Variants in SYCP1 observed in about 807,000 individuals in gnomAD.
SYCP1 encodes the protein synaptonemal complex protein 1, also known as cancer/testis antigen 8.
Under a neutral mutation model 153.1 loss-of-function variants are expected in SYCP1, and 64 were observed. The observed-to-expected ratio is 0.42, with a 90% CI of 0.34 to 0.51. The LOEUF (loss-of-function observed/expected upper bound fraction) is 0.51, where lower values mean the gene tolerates loss of function less well. Among genes scored for constraint, SYCP1 ranks in the 20% least tolerant of loss-of-function variants. The probability of loss-of-function intolerance (pLI) is 0.06; values close to 1 mark genes in which losing one functional copy is unlikely to be tolerated. For synonymous variants in SYCP1, 384 were observed against 341.8 expected, an observed-to-expected ratio of 1.12 and a Z score of -1.36; for missense variants, 997 against 1,049.0, an observed-to-expected ratio of 0.95 and a Z score of 0.68.
At position 114,946,372 on chromosome 1, in the gene SYCP1, A is replaced by T; in HGVS notation, c.2238A>T (p.Arg746Ser). The change falls in exon 26 of 32, where the codon AGA becomes AGT. Residue 746 changes from arginine (R) to serine (S), a missense_variant. Arg to Ser is a moderately radical substitution (Grantham distance 110, BLOSUM62 -1). Around this residue, in one of 2 missense-constraint regions of SYCP1, gnomAD observed 712 missense variants for 682.9 expected, o/e 1.04. Coordinates refer to ENST00000369522, the MANE Select transcript of SYCP1 (RefSeq NM_003176.4). ...KSKEQEQSSL[R>S]ASLEIELSNL... ...AAGAACAAGAACAGTCATCACTGAG[A>T]GCATCTTTGGTGAGATACAGAAAAA... The T allele has an allele frequency of 6.3e-7, 1 of 1,584,680 alleles. No homozygotes were observed. The highest frequency in any genetic ancestry group is 8.6e-7 in the Non-Finnish European group (1 of 1,168,308).
Position 114,914,033 on chromosome 1 carries a change from A to G in SYCP1, c.1706A>G (p.Glu569Gly). The G allele has an allele frequency of 6.4e-7, 1 of 1,572,092 alleles. No individual in the cohort carries two copies. Among genetic ancestry groups the G allele is most frequent in the Non-Finnish European group, 8.6e-7 (1 of 1,161,798 alleles). ...CAAATAGAAAATCTTCAAGAAACAG[A>G]AACCCAATTAAGGCAAGACTAACAA... ...LKQIENLQET[E>G]TQLRNELEYV... Residue 569 changes from glutamate to glycine, a missense_variant, in exon 20 of 32, where the codon GAA (glutamate) becomes GGA (glycine). Physicochemically the swap from Glu to Gly is moderately conservative, Grantham distance 98. Around this residue, in one of 2 missense-constraint regions of SYCP1, gnomAD observed 712 missense variants for 682.9 expected, o/e 1.04. Transcript: ENST00000369522.
At chr1:114,872,959 T>C (rs865951374) in intron 8 of SYCP1, among the ~76,000 whole-genome samples, 6 of 152,166 alleles carry the variant, frequency 3.9e-5, no homozygotes, top group South Asian at 2.1e-4. Context: ...CCACAAGCCC[T>C]TCATTTCTGT....
intron 12 of SYCP1, among the ~76,000 whole-genome samples, chr1:114,878,822 C>T (rs914515487): frequency 1.3e-5 from 2 of 152,158 alleles, no homozygotes; most frequent in African/African-American, 4.8e-5. Flanking sequence ...GGATTACGGG[C>T]GTGAGCCACT....
chr1:114,900,847 C>T (rs1426264097), intron 16 of SYCP1, among the ~76,000 whole-genome samples: 1 of 152,208 alleles, frequency 6.6e-6, no homozygotes, highest in African/African-American at 2.4e-5. Flanking sequence ...CAGTTTATAA[C>T]CTTAAAACAC....
Position 114,994,973 on chromosome 1 carries a change from T to C in SYCP1, c.2885T>C (p.Met962Thr), listed in dbSNP as rs1263099528. ...GACCGTTGGGCTGTAATTGCTAAAA[T>C]GGATAGAAAAAAAAAACTAAAAGAA... is the stretch of plus-strand genomic sequence containing the variant. Reference protein sequence around the residue: ...REDRWAVIAKMDRKKKLKEAE... With the variant: ...REDRWAVIAKTDRKKKLKEAE... The change falls in exon 32 of 32, where the codon ATG becomes ACG. Residue 962 changes from methionine (M) to threonine (T), a missense_variant. Met to Thr is a moderately conservative substitution (Grantham distance 81, BLOSUM62 -1). Coordinates refer to ENST00000369522, the MANE Select transcript of SYCP1 (RefSeq NM_003176.4). 5.6e-6 allele frequency: 9 copies of C among 1,605,672 alleles called. No individual in the cohort carries two copies. The highest frequency in any genetic ancestry group is 6.8e-6 in the Non-Finnish European group (8 of 1,175,958).
chr1:114,960,104 C>A lies in SYCP1; in HGVS notation c.2322+12784C>A, dbSNP rs564493040. Among the ~76,000 whole-genome samples the A allele has an allele frequency of 9.3e-5, 14 of 149,840 alleles. No homozygotes were observed. The East Asian group carries it at 2.7e-3, about 29-fold the overall frequency. On this transcript the variant is annotated intron_variant, in intron 27 of 31. Transcript: ENST00000369522. ...GATTTCTTTTCTTTTGGGTATATAC[C>A]TAGCAGTGGGATGGCTGGATCATAC...
intron 10 of SYCP1, 145 bp from the exon 11 acceptor site, chr1:114,876,592 G>A: frequency 2.9e-6 from 1 of 343,050 alleles, no homozygotes; most frequent in South Asian, 1.2e-4. Context: ...GAAGAAAACA[G>A]CAATATTAGC....
chr1:114,923,677 T>A, intron 21 of SYCP1, 147 bp downstream of exon 21: 1 of 753,780 alleles, frequency 1.3e-6, no homozygotes, highest in Non-Finnish European at 1.9e-6. Context: ...CTTAAATATC[T>A]AGGAAAGGTT....
At chr1:114,984,540 T>C (rs529180620) in intron 29 of SYCP1, among the ~76,000 whole-genome samples, 185 bp from the exon 30 acceptor site, 1 of 152,056 alleles carries the variant, frequency 6.6e-6, no homozygotes, top group South Asian at 2.1e-4. Flanking sequence ...GAAAGACAAC[T>C]TATAGTATCA....
chr1:114,891,625 A>G (rs921335837), intron 15 of SYCP1, among the ~76,000 whole-genome samples: 1 of 152,174 alleles, frequency 6.6e-6, no homozygotes, highest in African/African-American at 2.4e-5. Flanking sequence ...CCCATCTTCA[A>G]TTCAGTCTAA....
At chr1:114,903,551 G>GTC (rs1667612208) in intron 16 of SYCP1, among the ~76,000 whole-genome samples, 2 of 152,202 alleles carry the variant, frequency 1.3e-5, no homozygotes, top group Admixed American at 1.3e-4. Context: ...CTGCTGGAGA[G>GTC]TTAGATAGGA....
intron 27 of SYCP1, among the ~76,000 whole-genome samples, chr1:114,972,530 G>A (rs1672561635): frequency 1.3e-5 from 2 of 152,116 alleles, no homozygotes. Context: ...CCTTTTTGAT[G>A]TAGGTGTTTA....
At chr1:114,884,572 T>C (rs2101538103) in intron 12 of SYCP1, among the ~76,000 whole-genome samples, 1 of 152,326 alleles carries the variant, frequency 6.6e-6, no homozygotes, top group Admixed American at 6.5e-5. Context: ...ACCAATATAT[T>C]GTAAATTATC....
At chr1:114,932,868 T>G (rs1305684808) in intron 23 of SYCP1, among the ~76,000 whole-genome samples, 8 of 152,160 alleles carry the variant, frequency 5.3e-5, no homozygotes, top group African/African-American at 1.9e-4. Context: ...GCATCTGCCA[T>G]TGTTGAGGCT....
chr1:114,925,043 A>G (rs1669165798), intron 21 of SYCP1, among the ~76,000 whole-genome samples: 1 of 152,114 alleles, frequency 6.6e-6, no homozygotes, highest in African/African-American at 2.4e-5. Context: ...ATAAATTGGG[A>G]AATCAGACCT....
At chr1:114,905,713 T>A (rs1411007344) in intron 16 of SYCP1, among the ~76,000 whole-genome samples, 1 of 152,188 alleles carries the variant, frequency 6.6e-6, no homozygotes, top group African/African-American at 2.4e-5. Flanking sequence ...GGTCTAGAGA[T>A]TTCTTTTTGG....
In SYCP1 at chr1:114,965,340, G is replaced by A. The variant is rs145243258; in HGVS notation, c.2323-12217G>A. Among the ~76,000 whole-genome samples the A allele has an allele frequency of 7.4e-4, 112 of 152,158 alleles. No homozygotes were observed. The East Asian group carries it at 0.019, about 26-fold the overall frequency. ...TGACTTGCTCTCTTCCTATTTGAAT[G>A]CCCTTTATTTGTTTCTCTTACCTGA... On this transcript the variant is annotated intron_variant, in intron 27 of 31. Transcript: ENST00000369522.
In SYCP1 at chr1:114,918,151, T is replaced by A. The variant is rs1557799079; in HGVS notation, c.1718+4106T>A. 3.3e-5 allele frequency among the ~76,000 whole-genome samples: 5 copies of A among 152,108 alleles called. No individual in the cohort carries two copies. The South Asian group carries it at 8.3e-4, about 25-fold the overall frequency. On this transcript the variant is annotated intron_variant, in intron 20 of 31. Coordinates refer to ENST00000369522, the MANE Select transcript of SYCP1 (RefSeq NM_003176.4). ...TTTAAGTCCTTGATCCATTTTGATT[T>A]GATTTTTATATATGGCAAGAGATAG...
rs1253385530 is a variant in SYCP1, at chr1:114,856,642, G to A, written c.178G>A (p.Glu60Lys). The A allele has an allele frequency of 1.9e-6, 3 of 1,611,480 alleles. No homozygotes were observed. Among genetic ancestry groups the A allele is most frequent in the Middle Eastern group, 1.7e-4 (1 of 6,042 alleles). The change falls in exon 3 of 32, where the codon GAA becomes AAA. Residue 60 changes from glutamate (E) to lysine (K), a missense_variant. Glu to Lys is a moderately conservative substitution (Grantham distance 56). Transcript: ENST00000369522. ...FAKTNLSKNG[E>K]NIDSDPALQK... Reference sequence around the variant, plus strand: ...AAAGACTAATCTCTCCAAAAATGGGGAAAACATTGATTCAGGTAGGAGCAT... The same window carrying A: ...AAAGACTAATCTCTCCAAAAATGGGAAAAACATTGATTCAGGTAGGAGCAT...
Sources: gnomAD v4.1 joint callset for allele counts (sites outside exome capture counted in the v4.1 genomes callset) on GRCh38, gnomAD v4.1.1 for gene constraint, gnomAD v4.1.1 regional missense constraint, MANE v1.5 for transcripts, NCBI Gene and HGNC (gene_info 2026-07-23, HGNC 2026-07-21) for gene names.